Variants in HYCC1 observed in about 807,000 individuals in gnomAD.
HYCC1 encodes hyccin PI4KA lipid kinase complex subunit 1.
chr7:23,002,151 TATATATATATATATATATATATATAC>T, the HYCC1 span, among the ~76,000 whole-genome samples: 14 of 26,738 alleles, frequency 5.2e-4, no homozygotes, highest in East Asian at 0.015. Flanking sequence ...TATATATATA[TATATATATATATATATATATATATAC>T]ATATAGTTTG....
the HYCC1 span, among the ~76,000 whole-genome samples, chr7:22,931,955 T>TTG: frequency 6.6e-6 from 1 of 152,162 alleles, no homozygotes; most frequent in Non-Finnish European, 1.5e-5. Flanking sequence ...GTGAGATAAA[T>TTG]TGAGAAGGGA....
the HYCC1 span, among the ~76,000 whole-genome samples, chr7:22,950,102 C>T: frequency 2.6e-5 from 4 of 151,984 alleles, no homozygotes; most frequent in Non-Finnish European, 5.9e-5. Context: ...ACTCTGTGAC[C>T]CGACATTCCC....
At chr7:22,920,738 T>C in the HYCC1 span, among the ~76,000 whole-genome samples, 2 of 152,170 alleles carry the variant, frequency 1.3e-5, no homozygotes, top group African/African-American at 2.4e-5. Flanking sequence ...TTCTTCTTTT[T>C]TCTTTTTGTT....
At chr7:23,011,878 T>C in the HYCC1 span, among the ~76,000 whole-genome samples, 1 of 152,220 alleles carries the variant, frequency 6.6e-6, no homozygotes, top group African/African-American at 2.4e-5. Flanking sequence ...AACTTGGCTG[T>C]GTGCTCCCAA....
At chr7:22,966,628 T>A in the HYCC1 span, among the ~76,000 whole-genome samples, 1 of 152,302 alleles carries the variant, frequency 6.6e-6, no homozygotes, top group African/African-American at 2.4e-5. Context: ...TACTAGCCAA[T>A]AGATTGTAAT....
the HYCC1 span, chr7:22,940,233 T>A: frequency 7.7e-6 from 1 of 129,408 alleles, no homozygotes. Context: ...GTTAATAGGT[T>A]CTGTTTTTTT....
the HYCC1 span, chr7:22,938,021 A>C: frequency 6.6e-6 from 1 of 152,340 alleles, no homozygotes; most frequent in South Asian, 2.1e-4. Flanking sequence ...TAAGAAAAAC[A>C]AACTGAATCC....
At chr7:22,947,763 G>A in the HYCC1 span, among the ~76,000 whole-genome samples, 3 of 152,006 alleles carry the variant, frequency 2.0e-5, no homozygotes, top group Non-Finnish European at 4.4e-5. Context: ...GCTACATTGA[G>A]ACTGACTTAA....
At chr7:22,997,118 CCTTT>C in the HYCC1 span, among the ~76,000 whole-genome samples, 2 of 152,012 alleles carry the variant, frequency 1.3e-5, no homozygotes, top group African/African-American at 4.8e-5. Flanking sequence ...TACAATAAAA[CCTTT>C]CTAAGTCAAA....
the HYCC1 span, among the ~76,000 whole-genome samples, chr7:22,998,755 T>C: frequency 7.2e-5 from 11 of 152,292 alleles, no homozygotes; most frequent in Middle Eastern, 6.8e-3. Context: ...CCTTTTCCAG[T>C]GCACCATGCA....
At chr7:23,007,750 T>G in the HYCC1 span, among the ~76,000 whole-genome samples, 1 of 152,144 alleles carries the variant, frequency 6.6e-6, no homozygotes, top group African/African-American at 2.4e-5. Flanking sequence ...ATTATCAAGT[T>G]GCCTTTATCC....
At chr7:22,945,901 A>G in the HYCC1 span, 1 of 1,613,884 alleles carries the variant, frequency 6.2e-7, no homozygotes, top group South Asian at 1.1e-5. Context: ...AGAGAAGCTC[A>G]AGATTCTCAC....
At chr7:22,960,726 G>A in the HYCC1 span, among the ~76,000 whole-genome samples, 9 of 152,212 alleles carry the variant, frequency 5.9e-5, no homozygotes, top group Admixed American at 2.6e-4. Flanking sequence ...TAAAAAGACA[G>A]TTAGGTGTCT....
At chr7:22,919,598 G>T in the HYCC1 span, among the ~76,000 whole-genome samples, 1 of 150,608 alleles carries the variant, frequency 6.6e-6, no homozygotes, top group East Asian at 1.9e-4. Flanking sequence ...TAGGAGATAT[G>T]AATTATTAAA....
At chr7:22,941,666 T>C in the HYCC1 span, 1 of 152,138 alleles carries the variant, frequency 6.6e-6, no homozygotes. Context: ...CCCAAAATGT[T>C]CGTTGTTAGT....
At chr7:22,977,381 A>C in the HYCC1 span, 1 of 1,599,700 alleles carries the variant, frequency 6.3e-7, no homozygotes, top group Non-Finnish European at 8.6e-7. Flanking sequence ...TGGAATCGTA[A>C]AACTCAATAC....
chr7:22,905,648 A>G, the HYCC1 span, among the ~76,000 whole-genome samples: 1 of 152,032 alleles, frequency 6.6e-6, no homozygotes, highest in Non-Finnish European at 1.5e-5. Context: ...ATCATCCTGT[A>G]AGTTTTTATT....
the HYCC1 span, among the ~76,000 whole-genome samples, chr7:22,930,380 AGAAAAAGAAAAAG>A: frequency 7.8e-6 from 1 of 127,920 alleles, no homozygotes; most frequent in Non-Finnish European, 1.8e-5. Context: ...CAAAGTAAAA[AGAAAAAGAAAAAG>A]AAAAAAAAAA....
the HYCC1 span, chr7:22,976,392 G>T: frequency 1.1e-6 from 1 of 925,700 alleles, no homozygotes; most frequent in African/African-American, 1.6e-5. Flanking sequence ...CTTGGGGAGA[G>T]ATACAATGTT....
Sources: allele counts gnomAD v4.1 joint callset (sites outside exome capture counted in the v4.1 genomes callset), GRCh38; gene constraint gnomAD v4.1.1; transcripts MANE v1.5; gene names NCBI Gene and HGNC (gene_info 2026-07-23, HGNC 2026-07-21).